NKAIN2: variants seen among roughly 807,000 people sequenced by gnomAD.
NKAIN2 encodes the protein sodium/potassium transporting ATPase interacting 2.
NKAIN2 carries 14 observed loss-of-function variants against 32.6 expected under a neutral mutation model. That is an observed-to-expected ratio of 0.43 (90% CI 0.28 to 0.67). The LOEUF (loss-of-function observed/expected upper bound fraction) is 0.67. Among genes scored for constraint, NKAIN2 ranks in the 30% least tolerant of loss-of-function variants. The probability of loss-of-function intolerance (pLI) is 0.17; values close to 1 mark genes in which losing one functional copy is unlikely to be tolerated. For missense variants in NKAIN2, 198 were observed against 258.3 expected (o/e 0.77, Z 1.60); for synonymous variants, 80 against 87.2 (o/e 0.92, Z 0.46).
chr6:124,265,559 A>G (rs1454119754), intron 1 of NKAIN2, among the ~76,000 whole-genome samples: 1 of 152,204 alleles, frequency 6.6e-6, no homozygotes, highest in Non-Finnish European at 1.5e-5. Context: ...AAGGGAGTTT[A>G]GGCAATTTTA....
At chr6:124,150,084 G>A (rs376261240) in intron 1 of NKAIN2, among the ~76,000 whole-genome samples, 2 of 152,038 alleles carry the variant, frequency 1.3e-5, no homozygotes, top group South Asian at 4.1e-4. Context: ...CTGCCTCAGG[G>A]TTATAGAATA....
At chr6:124,387,522 G>A (rs1772958018) in intron 3 of NKAIN2, among the ~76,000 whole-genome samples, 1 of 152,058 alleles carries the variant, frequency 6.6e-6, no homozygotes, top group African/African-American at 2.4e-5. Context: ...GAAAACAACA[G>A]CATTAGGTGA....
intron 1 of NKAIN2, among the ~76,000 whole-genome samples, chr6:124,124,119 G>T (rs1408823169): frequency 6.6e-6 from 1 of 152,056 alleles, no homozygotes; most frequent in East Asian, 1.9e-4. Context: ...CAAAATAATG[G>T]TACCTATTAA....
chr6:124,603,821 T>A (rs910892310), intron 3 of NKAIN2, among the ~76,000 whole-genome samples: 2 of 152,060 alleles, frequency 1.3e-5, no homozygotes, highest in African/African-American at 4.8e-5. Context: ...TTAGACCAAA[T>A]AAATATGGTC....
intron 1 of NKAIN2, among the ~76,000 whole-genome samples, chr6:124,248,054 A>C (rs1285352332): frequency 6.6e-6 from 1 of 152,076 alleles, no homozygotes; most frequent in African/African-American, 2.4e-5. Flanking sequence ...CTGATGAAGA[A>C]TTTCTTGTGA....
intron 1 of NKAIN2, among the ~76,000 whole-genome samples, chr6:123,890,126 A>G (rs1249965216): frequency 6.6e-6 from 1 of 152,118 alleles, no homozygotes; most frequent in Non-Finnish European, 1.5e-5. Flanking sequence ...CTTAAAAAAT[A>G]GAGCAGTTTA....
At chr6:124,489,199 TA>T (rs1397563702) in intron 3 of NKAIN2, among the ~76,000 whole-genome samples, 1 of 151,940 alleles carries the variant, frequency 6.6e-6, no homozygotes, top group African/African-American at 2.4e-5. Context: ...TTACAAACTC[TA>T]AACTGTATTT....
intron 1 of NKAIN2, among the ~76,000 whole-genome samples, chr6:124,251,222 G>A (rs1016547640): frequency 1.3e-5 from 2 of 151,896 alleles, no homozygotes; most frequent in African/African-American, 4.8e-5. Context: ...AAGATTTTTG[G>A]ATTAGATTTT....
intron 2 of NKAIN2, among the ~76,000 whole-genome samples, chr6:124,348,838 C>G (rs1453994963): frequency 1.3e-5 from 2 of 152,092 alleles, no homozygotes; most frequent in Non-Finnish European, 2.9e-5. Context: ...AGTTCCCTTT[C>G]CTAGTCAAAG....
At chr6:124,060,826 T>A (rs903132903) in intron 1 of NKAIN2, among the ~76,000 whole-genome samples, 5 of 152,098 alleles carry the variant, frequency 3.3e-5, no homozygotes, top group Non-Finnish European at 7.4e-5. Flanking sequence ...TGCAACACAA[T>A]GTTCTTTCTG....
Position 124,359,315 on chromosome 6 carries a change from A to G in NKAIN2, c.273+3968A>G, listed in dbSNP as rs553301208. On this transcript the variant is annotated intron_variant, in intron 3 of 6. Coordinates refer to ENST00000368417, the MANE Select transcript of NKAIN2 (RefSeq NM_001040214.3). ...TTTTTCCAATTCTGTGAAGAAAGTC[A>G]TTGGTAGCTTGATGGGGATGGCATT... 1.2e-3 allele frequency among the ~76,000 whole-genome samples: 180 copies of G among 152,262 alleles called. 1 individual carries two copies. The highest frequency in any genetic ancestry group is 4.2e-3 in the African/African-American group (176 of 41,560).
chr6:124,409,849 T>G (rs1382837635), intron 3 of NKAIN2, among the ~76,000 whole-genome samples: 2 of 152,220 alleles, frequency 1.3e-5, no homozygotes, highest in African/African-American at 4.8e-5. Flanking sequence ...GGTAATCTAT[T>G]AATCATTGCC....
chr6:123,839,192 G>A (rs1184366387), intron 1 of NKAIN2, among the ~76,000 whole-genome samples: 2 of 145,982 alleles, frequency 1.4e-5, no homozygotes, highest in Admixed American at 6.8e-5. Context: ...AAAGGATCTC[G>A]AAGGTCATTA....
At chr6:124,418,821 G>A (rs1257553685) in intron 3 of NKAIN2, among the ~76,000 whole-genome samples, 1 of 151,692 alleles carries the variant, frequency 6.6e-6, no homozygotes, top group Non-Finnish European at 1.5e-5. Flanking sequence ...GTCCTGACTG[G>A]AATAACGGAT....
intron 1 of NKAIN2, among the ~76,000 whole-genome samples, chr6:124,238,842 C>T (rs567669681): frequency 9.9e-5 from 15 of 152,260 alleles, no homozygotes; most frequent in South Asian, 4.1e-4. Context: ...TTGTAAAGAC[C>T]GTTGACACTA....
At chr6:124,316,612 G>A (rs2115013731) in intron 2 of NKAIN2, among the ~76,000 whole-genome samples, 1 of 152,222 alleles carries the variant, frequency 6.6e-6, no homozygotes, top group African/African-American at 2.4e-5. Flanking sequence ...GGACATTGAT[G>A]AGATTTGTAA....
intron 3 of NKAIN2, among the ~76,000 whole-genome samples, chr6:124,620,525 G>C (rs1783067658): frequency 6.6e-6 from 1 of 152,180 alleles, no homozygotes; most frequent in African/African-American, 2.4e-5. Context: ...GGAATTACCA[G>C]AGATTGTCAG....
chr6:124,778,079 C>A (rs148694526), intron 4 of NKAIN2, among the ~76,000 whole-genome samples: 1 of 151,986 alleles, frequency 6.6e-6, no homozygotes, highest in Non-Finnish European at 1.5e-5. Flanking sequence ...CATCAAACTT[C>A]GCTTTTCTGG....
intron 3 of NKAIN2, among the ~76,000 whole-genome samples, chr6:124,370,974 C>G (rs1173935070): frequency 6.6e-6 from 1 of 152,036 alleles, no homozygotes; most frequent in East Asian, 1.9e-4. Flanking sequence ...TACACCCAGA[C>G]CCCCCAGTAC....
Sources: gnomAD v4.1 joint callset for allele counts (sites outside exome capture counted in the v4.1 genomes callset) on GRCh38, gnomAD v4.1.1 for gene constraint, MANE v1.5 for transcripts, NCBI Gene and HGNC (gene_info 2026-07-23, HGNC 2026-07-21) for gene names.